Variants in PPIB observed in about 807,000 individuals in gnomAD.
PPIB encodes peptidylprolyl isomerase B.
A neutral mutation model predicts 20.1 loss-of-function variants in PPIB; 15 were observed. The ratio of observed to expected loss-of-function variants is 0.75; its 90% CI spans 0.50 to 1.15. PPIB has a LOEUF of 1.15. Among genes scored for constraint, PPIB ranks in the 50% most tolerant of loss-of-function variants. The pLI is 0.00. For missense variants in PPIB, 278 were observed against 283.0 expected (o/e 0.98, Z 0.13); for synonymous variants, 129 against 111.0 (o/e 1.16, Z -1.02).
Position 64,157,900 on chromosome 15 carries a change from C to CCTGT in PPIB, c.344-995_344-992dup, listed in dbSNP as rs1283708117. Among the ~76,000 whole-genome samples, 1 of 152,102 alleles carries CCTGT rather than the reference C, an allele frequency of 6.6e-6. No individual in the cohort carries two copies. Among genetic ancestry groups the CCTGT allele is most frequent in the Non-Finnish European group, 1.5e-5 (1 of 68,024 alleles). On this transcript the variant is annotated intron_variant, in intron 3 of 4. Coordinates refer to ENST00000300026, the MANE Select transcript of PPIB (RefSeq NM_000942.5). This position sits in a 1 kb window ranked among gnomAD's most constrained non-coding sequence, Gnocchi z 4.2. ...GGCTGGTGGGGACAGGGTGCTTCTG[C>CCTGT]CTGTGCTCCACCTCTCACCCCCACG...
rs1004206724 is a variant in PPIB at position 64,156,984 on chromosome 15, G to C, written c.344-75C>G. On this transcript the variant is annotated intron_variant, in intron 3 of 4. Coordinates refer to ENST00000300026, the MANE Select transcript of PPIB (RefSeq NM_000942.5). The surrounding 1 kb of genome is among the most constrained non-coding windows in gnomAD (Gnocchi z 6.4). The stretch of plus-strand genomic sequence containing the variant: ...AGCAGACATTCGGGGCCAGGACTGA[G>C]GGGGCTTAACCTGTCCTCTGTGCCA... The C allele has an allele frequency of 1.1e-5, 16 of 1,496,458 alleles. No homozygotes were observed. The highest frequency in any genetic ancestry group is 1.2e-5 in the South Asian group (1 of 86,088). 92.7% of individuals were successfully genotyped at this position (1,496,458 alleles called of 1,614,324 possible).
Position 64,156,414 on chromosome 15 carries a change from CT to C in PPIB, c.529-270del. On this transcript the variant is annotated intron_variant, in intron 4 of 4. Transcript: ENST00000300026. This position sits in a 1 kb window ranked among gnomAD's most constrained non-coding sequence, Gnocchi z 6.4. ...GGAAGAGGGTGACCAGGGCATGTGGCTTCTCAGGGACATTGCGTTCAGCTGC... is the reference window on the plus strand; with the variant it reads ...GGAAGAGGGTGACCAGGGCATGTGGCTCTCAGGGACATTGCGTTCAGCTGC... The C allele has an allele frequency of 1.6e-6, 1 of 622,828 alleles. No individual in the cohort carries two copies. The highest frequency in any genetic ancestry group is 1.9e-5 in the South Asian group (1 of 53,202). 38.6% of individuals were successfully genotyped at this position (622,828 alleles called of 1,614,324 possible).
At position 64,156,407 on chromosome 15, in the gene PPIB, C is replaced by T; in HGVS notation, c.529-262G>A. 1 of 624,754 alleles carries T rather than the reference C, an allele frequency of 1.6e-6. No homozygotes were observed. 38.7% of individuals were successfully genotyped at this position (624,754 alleles called of 1,614,324 possible). A position where few individuals can be genotyped will look rare whatever the true frequency, so the allele number is the denominator to read the frequency against. ...AGGAGGAGGAAGAGGGTGACCAGGG[C>T]ATGTGGCTTCTCAGGGACATTGCGT... is the stretch of plus-strand genomic sequence containing the variant. On this transcript the variant is annotated intron_variant, in intron 4 of 4. Coordinates refer to ENST00000300026, the MANE Select transcript of PPIB (RefSeq NM_000942.5). The surrounding 1 kb of genome is among the most constrained non-coding windows in gnomAD (Gnocchi z 6.4).
rs766357669 is a variant in PPIB, at chr15:64,156,751, C to A, written c.502G>T (p.Val168Leu). 6.2e-7 allele frequency: 1 copy of A among 1,614,214 alleles called. No individual in the cohort carries two copies. Among genetic ancestry groups the A allele is most frequent in the Non-Finnish European group, 8.5e-7 (1 of 1,180,038 alleles). The change falls in exon 4 of 5, where the codon GTG becomes TTG. Residue 168 changes from valine to leucine, a missense_variant. Physicochemically the swap from Val to Leu is conservative, Grantham distance 32 (BLOSUM62 1). Transcript: ENST00000300026. The surrounding 1 kb of genome is among the most constrained non-coding windows in gnomAD (Gnocchi z 6.4). The stretch of plus-strand genomic sequence containing the variant: ...ATGCCCTCTAGAACTTTGCCAAACA[C>A]CACATGCTTGCCATCTAGCCAGGCT... ...KTAWLDGKHV[V>L]FGKVLEGMEV...
rs1297385455 is a variant in PPIB at position 64,158,026 on chromosome 15, T to G, written c.344-1117A>C. The stretch of plus-strand genomic sequence containing the variant: ...CCAACTGTGGGATTTTGATTATAGT[T>G]GTTATCCAGAAAACCCCCAAATCTC... On this transcript the variant is annotated intron_variant, in intron 3 of 4. Coordinates refer to ENST00000300026, the MANE Select transcript of PPIB (RefSeq NM_000942.5). This position sits in a 1 kb window ranked among gnomAD's most constrained non-coding sequence, Gnocchi z 4.7. Among the ~76,000 whole-genome samples, 1 of 152,182 alleles carries G rather than the reference T, an allele frequency of 6.6e-6. No homozygotes were observed. The highest frequency in any genetic ancestry group is 1.5e-5 in the Non-Finnish European group (1 of 68,022).
Position 64,161,998 on chromosome 15 carries a change from T to C in PPIB, c.249+43A>G, listed in dbSNP as rs1339716349. 6.9e-7 allele frequency: 1 copy of C among 1,456,334 alleles called. No individual in the cohort carries two copies. The highest frequency in any genetic ancestry group is 1.8e-4 in the Middle Eastern group (1 of 5,608). The allele number at this position is 1,456,334 out of a possible 1,614,324, so 90.2% of individuals were successfully genotyped here. On this transcript the variant is annotated intron_variant, in intron 2 of 4. Coordinates refer to ENST00000300026, the MANE Select transcript of PPIB (RefSeq NM_000942.5). The surrounding 1 kb of genome is among the most constrained non-coding windows in gnomAD (Gnocchi z 4.2). Reference sequence around the variant, plus strand: ...AGTTTGCTGCCATCCCCAGTGCCAATTTCACTTCATGTGAGTTGACTACCC... The same window carrying C: ...AGTTTGCTGCCATCCCCAGTGCCAACTTCACTTCATGTGAGTTGACTACCC...
rs2081559808 is a variant in PPIB at position 64,160,696 on chromosome 15, G to C, written c.250-499C>G. Among the ~76,000 whole-genome samples, 1 of 151,874 alleles carries C rather than the reference G, an allele frequency of 6.6e-6. No homozygotes were observed. The highest frequency in any genetic ancestry group is 1.5e-5 in the Non-Finnish European group (1 of 67,970). On this transcript the variant is annotated intron_variant, in intron 2 of 4. Coordinates refer to ENST00000300026, the MANE Select transcript of PPIB (RefSeq NM_000942.5). This position sits in a 1 kb window ranked among gnomAD's most constrained non-coding sequence, Gnocchi z 4.8. ...AGTTTCTCTCTTGTCACCCAGGCTG[G>C]AGTGCAATGGCACAATCTCCGCTCA... is the stretch of plus-strand genomic sequence containing the variant.
rs28720178 is a variant in PPIB, at chr15:64,162,445, A to T, written c.136-291T>A. 0.021 allele frequency among the ~76,000 whole-genome samples: 3,170 copies of T among 152,332 alleles called. 46 individuals are homozygous for T. Among genetic ancestry groups the T allele is most frequent in the Non-Finnish European group, 0.034 (2,328 of 68,018 alleles). ...TCTAAAAATTAACATTAGAAAACCC[A>T]TAAGGAGCGGAGCCTAAGTTCACCA... On this transcript the variant is annotated intron_variant, in intron 1 of 4. Coordinates refer to ENST00000300026, the MANE Select transcript of PPIB (RefSeq NM_000942.5).
In PPIB at chr15:64,157,071, G is replaced by T. The variant is rs946166952; in HGVS notation, c.344-162C>A. The T allele has an allele frequency of 3.9e-6, 3 of 768,516 alleles. No individual in the cohort carries two copies. In the African/African-American group the frequency reaches 5.3e-5, roughly 13 times the overall value. 47.6% of individuals were successfully genotyped at this position (768,516 alleles called of 1,614,324 possible). On this transcript the variant is annotated intron_variant, in intron 3 of 4. Transcript: ENST00000300026. The surrounding 1 kb of genome is among the most constrained non-coding windows in gnomAD (Gnocchi z 4.2). ...GCGTCCTTCCTATCTTCTGGCCTCA[G>T]AGCCAAGCCATGCTGACTGAGGCCA...
Position 64,162,957 on chromosome 15 carries a change from C to T in PPIB, c.30G>A (p.Lys10=), listed in dbSNP as rs772124759. Reference sequence around the variant, plus strand: ...CGATGAGGGCGGCGGCAAGGAGCACCTTCATGTTGCGTTCGGAGAGGCGCA... The same window carrying T: ...CGATGAGGGCGGCGGCAAGGAGCACTTTCATGTTGCGTTCGGAGAGGCGCA... MLRLSERNM[K]VLLAAALIAG... Residue 10 remains lysine, a synonymous_variant, in exon 1 of 5, where the codon AAG becomes AAA. Transcript: ENST00000300026. 4 of 1,613,566 alleles carry T rather than the reference C, an allele frequency of 2.5e-6. No homozygotes were observed. Among genetic ancestry groups the T allele is most frequent in the Non-Finnish European group, 3.4e-6 (4 of 1,179,866 alleles).
intron 1 of PPIB, among the ~76,000 whole-genome samples, chr15:64,162,493 T>C (rs1456633250): frequency 6.6e-6 from 1 of 152,234 alleles, no homozygotes; most frequent in Non-Finnish European, 1.5e-5. Context: ...GTATACATAC[T>C]GTGCTTTGTA....
Position 64,155,850 on chromosome 15 carries a change from T to C in PPIB, c.*173A>G, listed in dbSNP as rs2081525685. ...AAAAAAAAACCCACATTTTTTTTTA[T>C]TGGTCAGTGTTGGTAGGAGTTTGTT... On this transcript the variant is annotated 3_prime_UTR_variant, in exon 5 of 5. Coordinates refer to ENST00000300026, the MANE Select transcript of PPIB (RefSeq NM_000942.5). 19 of 895,686 alleles carry C rather than the reference T, an allele frequency of 2.1e-5. No individual in the cohort carries two copies. The South Asian group carries it at 2.4e-4, about 11-fold the overall frequency. 55.5% of individuals were successfully genotyped at this position (895,686 alleles called of 1,614,324 possible).
chr15:64,159,981 G>A lies in PPIB; in HGVS notation c.343+123C>T. On this transcript the variant is annotated intron_variant, in intron 3 of 4. Transcript: ENST00000300026. This position sits in a 1 kb window ranked among gnomAD's most constrained non-coding sequence, Gnocchi z 5.1. ...GTGCCGCTGGTCTCAAAGTAGGTAAGTAATAAGTAGGCCTGCCTCTAGAGC... is the reference window on the plus strand; with the variant it reads ...GTGCCGCTGGTCTCAAAGTAGGTAAATAATAAGTAGGCCTGCCTCTAGAGC... The A allele has an allele frequency of 2.4e-6, 2 of 848,754 alleles. No individual in the cohort carries two copies. The highest frequency in any genetic ancestry group is 4.0e-6 in the Non-Finnish European group (2 of 499,882). The allele number at this position is 848,754 out of a possible 1,614,324, so 52.6% of individuals were successfully genotyped here.
In PPIB at chr15:64,158,021, A is replaced by G. The variant is rs942317411; in HGVS notation, c.344-1112T>C. ...TTGAGCCAACTGTGGGATTTTGATTATAGTTGTTATCCAGAAAACCCCCAA... is the reference window on the plus strand; with the variant it reads ...TTGAGCCAACTGTGGGATTTTGATTGTAGTTGTTATCCAGAAAACCCCCAA... On this transcript the variant is annotated intron_variant, in intron 3 of 4. Transcript: ENST00000300026. The surrounding 1 kb of genome is among the most constrained non-coding windows in gnomAD (Gnocchi z 4.7). 2.0e-5 allele frequency among the ~76,000 whole-genome samples: 3 copies of G among 152,176 alleles called. No individual in the cohort carries two copies. The highest frequency in any genetic ancestry group is 7.2e-5 in the African/African-American group (3 of 41,448).
Position 64,155,914 on chromosome 15 carries a change from G to C in PPIB, c.*109C>G. 2 of 1,538,590 alleles carry C rather than the reference G, an allele frequency of 1.3e-6. No individual in the cohort carries two copies. Among genetic ancestry groups the C allele is most frequent in the Admixed American group, 3.3e-5 (2 of 59,878 alleles). The stretch of plus-strand genomic sequence containing the variant: ...CATGGGCCTGTGGAATGTGAGGGGA[G>C]TGGGTCCGCTCCACCAGATGCCAGC... On this transcript the variant is annotated 3_prime_UTR_variant, in exon 5 of 5. Coordinates refer to ENST00000300026, the MANE Select transcript of PPIB (RefSeq NM_000942.5).
chr15:64,159,726 G>A lies in PPIB; in HGVS notation c.343+378C>T. The A allele has an allele frequency of 3.0e-6, 1 of 333,462 alleles. No homozygotes were observed. Among genetic ancestry groups the A allele is most frequent in the Non-Finnish European group, 5.8e-6 (1 of 173,196 alleles). The allele number at this position is 333,462 out of a possible 1,614,324, so 20.7% of individuals were successfully genotyped here. A position where few individuals can be genotyped will look rare whatever the true frequency, so the allele number is the denominator to read the frequency against. On this transcript the variant is annotated intron_variant, in intron 3 of 4. Coordinates refer to ENST00000300026, the MANE Select transcript of PPIB (RefSeq NM_000942.5). This position sits in a 1 kb window ranked among gnomAD's most constrained non-coding sequence, Gnocchi z 5.1. Reference sequence around the variant, plus strand: ...CACTCTTGCTGGGGCTTCCAGGGTAGCCTGGACAGGCTTTGGGCATCTGAC... The same window carrying A: ...CACTCTTGCTGGGGCTTCCAGGGTAACCTGGACAGGCTTTGGGCATCTGAC...
At position 64,160,716 on chromosome 15, in the gene PPIB, C is replaced by T. The variant is rs964862941; in HGVS notation, c.250-519G>A. Among the ~76,000 whole-genome samples the T allele has an allele frequency of 7.2e-5, 11 of 152,048 alleles. No homozygotes were observed. The highest frequency in any genetic ancestry group is 4.2e-4 in the South Asian group (2 of 4,812). ...GGCTGGAGTGCAATGGCACAATCTC[C>T]GCTCACTGCAGCCTCCACCTCCCAG... On this transcript the variant is annotated intron_variant, in intron 2 of 4. Transcript: ENST00000300026. This position sits in a 1 kb window ranked among gnomAD's most constrained non-coding sequence, Gnocchi z 4.8.
Position 64,156,936 on chromosome 15 carries a change from G to A in PPIB, c.344-27C>T, listed in dbSNP as rs28720192. The stretch of plus-strand genomic sequence containing the variant: ...TGGGAAAAAAGACAGAGCAGGTCAG[G>A]GGCGCTGGATTGCGCCAAACCAAGC... On this transcript the variant is annotated intron_variant, in intron 3 of 4. Transcript: ENST00000300026. The surrounding 1 kb of genome is among the most constrained non-coding windows in gnomAD (Gnocchi z 6.4). 2,489 of 1,612,688 alleles carry A rather than the reference G, an allele frequency of 1.5e-3. 33 individuals are homozygous for A. The African/African-American group carries it at 0.028, about 18-fold the overall frequency.
Position 64,156,731 on chromosome 15 carries a change from C to T in PPIB, c.522G>A (p.Glu174=). Residue 174 remains glutamate, a synonymous_variant, in exon 4 of 5, where the codon GAG becomes GAA. Coordinates refer to ENST00000300026, the MANE Select transcript of PPIB (RefSeq NM_000942.5). This position sits in a 1 kb window ranked among gnomAD's most constrained non-coding sequence, Gnocchi z 6.4. The part of the protein sequence containing the change: ...GKHVVFGKVL[E]GMEVVRKVES... Reference sequence around the variant, plus strand: ...CCTTGCTTCCACAACTCACCATGCCCTCTAGAACTTTGCCAAACACCACAT... The same window carrying T: ...CCTTGCTTCCACAACTCACCATGCCTTCTAGAACTTTGCCAAACACCACAT... 6.2e-7 allele frequency: 1 copy of T among 1,614,184 alleles called. No homozygotes were observed.
Sources: gnomAD v4.1 joint callset for allele counts (sites outside exome capture counted in the v4.1 genomes callset) on GRCh38, gnomAD v4.1.1 for gene constraint, Gnocchi (gnomAD v3.1) non-coding constraint, MANE v1.5 for transcripts, NCBI Gene and HGNC (gene_info 2026-07-23, HGNC 2026-07-21) for gene names.